PRKCQ: variants seen among roughly 807,000 people sequenced by gnomAD.
The protein encoded by PRKCQ is protein kinase C theta, also known as protein kinase C theta type.
In PRKCQ, 41 loss-of-function variants were observed where a neutral mutation model predicts 91.2. The ratio of observed to expected loss-of-function variants is 0.45; its 90% confidence interval spans 0.35 to 0.58. PRKCQ has a LOEUF of 0.58. PRKCQ is among the 20% of genes least tolerant of loss of function. The probability of loss-of-function intolerance (pLI) is 0.00; values close to 1 mark genes in which losing one functional copy is unlikely to be tolerated. For synonymous variants in PRKCQ, 307 were observed against 316.9 expected, an observed-to-expected ratio of 0.97 and a Z score of 0.33; for missense variants, 673 against 896.5, an observed-to-expected ratio of 0.75 and a Z score of 3.18.
At chr10:6,565,960 T>C (rs112877518) in intron 1 of PRKCQ, among the ~76,000 whole-genome samples, 1 of 152,230 alleles carries the variant, frequency 6.6e-6, no homozygotes, top group African/African-American at 2.4e-5. Flanking sequence ...TTTATTTTTA[T>C]TGAATGACTA....
chr10:6,534,919 G>T (rs4748127), intron 1 of PRKCQ, among the ~76,000 whole-genome samples: 33,950 of 151,514 alleles, frequency 0.22, 3,936 homozygotes, highest in Middle Eastern at 0.35. Flanking sequence ...TTTTTGGAAT[G>T]TGCAATTCAA....
intron 2 of PRKCQ, among the ~76,000 whole-genome samples, chr10:6,514,090 C>T (rs1185279184): frequency 6.6e-6 from 1 of 152,164 alleles, no homozygotes; most frequent in African/African-American, 2.4e-5. Context: ...GCTCTGGTCC[C>T]AGCACTCTTG....
At chr10:6,562,980 T>C (rs919098424) in intron 1 of PRKCQ, among the ~76,000 whole-genome samples, 2 of 152,112 alleles carry the variant, frequency 1.3e-5, no homozygotes, top group Admixed American at 1.3e-4. Context: ...TCTGTAGTGA[T>C]TACTTTTTAG....
chr10:6,434,679 G>A (rs1340101290), intron 16 of PRKCQ, among the ~76,000 whole-genome samples: 1 of 152,196 alleles, frequency 6.6e-6, no homozygotes, highest in Non-Finnish European at 1.5e-5. Flanking sequence ...GGATGTAGTT[G>A]AAGTTTGTTT....
At position 6,428,307 on chromosome 10, in the gene PRKCQ, C is replaced by A; in HGVS notation, c.2021G>T (p.Arg674Leu). ...FDKEFLNEKP[R>L]LSFADRALIN... ...CAGTGCTCTGTCGGCAAATGACAGC[C>A]GGGGCTTCTCGTTTAAGAATTCTTT... The change falls in exon 18 of 18, where the codon CGG becomes CTG. Residue 674 changes from arginine (R) to leucine (L), a missense_variant. Transcript: ENST00000263125. 1.2e-6 allele frequency: 2 copies of A among 1,614,078 alleles called. No individual in the cohort carries two copies. The highest frequency in any genetic ancestry group is 1.7e-6 in the Non-Finnish European group (2 of 1,180,000).
chr10:6,499,131 T>C (rs1162109820), intron 4 of PRKCQ, among the ~76,000 whole-genome samples: 1 of 152,216 alleles, frequency 6.6e-6, no homozygotes, highest in African/African-American at 2.4e-5. Flanking sequence ...TGGTTCCTGA[T>C]GTCCACAGTG....
downstream of PRKCQ, among the ~76,000 whole-genome samples, chr10:6,426,004 G>A (rs920813705): frequency 6.6e-6 from 1 of 152,118 alleles, no homozygotes; most frequent in Non-Finnish European, 1.5e-5. Context: ...AGAGTGAGGA[G>A]AGGACGACTG....
intron 1 of PRKCQ, among the ~76,000 whole-genome samples, chr10:6,532,687 T>C (rs1839436078): frequency 6.6e-6 from 1 of 152,234 alleles, no homozygotes; most frequent in Admixed American, 6.5e-5. Context: ...GAGCAGAAGG[T>C]AGATGGAGTG....
At chr10:6,407,209 G>A in the PRKCQ span, among the ~76,000 whole-genome samples, 5 of 152,076 alleles carry the variant, frequency 3.3e-5, no homozygotes, top group Non-Finnish European at 5.9e-5. The surrounding 1 kb of genome is among the most constrained non-coding windows in gnomAD (Gnocchi z 4.0). Flanking sequence ...ATCCCATGCC[G>A]GCTGAGCTTG....
At chr10:6,437,028 C>T (rs1833730422) in intron 16 of PRKCQ, among the ~76,000 whole-genome samples, 1 of 152,174 alleles carries the variant, frequency 6.6e-6, no homozygotes, top group African/African-American at 2.4e-5. Flanking sequence ...TCCAGAGCCT[C>T]CACCTTGGGA....
At chr10:6,405,237 C>T in the PRKCQ span, among the ~76,000 whole-genome samples, 2 of 152,200 alleles carry the variant, frequency 1.3e-5, no homozygotes, top group Non-Finnish European at 2.9e-5. Flanking sequence ...CCCATCTCAG[C>T]CTCCCAGAGT....
intron 1 of PRKCQ, among the ~76,000 whole-genome samples, chr10:6,579,300 C>G (rs919678510): frequency 3.3e-5 from 5 of 152,160 alleles, no homozygotes; most frequent in African/African-American, 1.2e-4. Flanking sequence ...TCCACCTTCT[C>G]CAGCCTAGTC....
chr10:6,496,908 G>A (rs1837645694), intron 7 of PRKCQ, 127 bp downstream of exon 7: 3 of 848,748 alleles, frequency 3.5e-6, no homozygotes, highest in Non-Finnish European at 5.8e-6. Flanking sequence ...AGAGTTTTGG[G>A]GAGATGGATG....
chr10:6,518,732 A>AAT (rs1838879123), intron 1 of PRKCQ, among the ~76,000 whole-genome samples: 1 of 152,096 alleles, frequency 6.6e-6, no homozygotes, highest in Non-Finnish European at 1.5e-5. Flanking sequence ...GAGGCAGGGG[A>AAT]ATCGCTTTGC....
At chr10:6,486,420 G>A (rs1242115250) in intron 8 of PRKCQ, among the ~76,000 whole-genome samples, 2 of 152,158 alleles carry the variant, frequency 1.3e-5, no homozygotes, top group East Asian at 3.9e-4. Flanking sequence ...CTTTCCAGAA[G>A]ATGCCCACCT....
chr10:6,474,019 T>C (rs1836135027), intron 12 of PRKCQ, among the ~76,000 whole-genome samples: 1 of 152,168 alleles, frequency 6.6e-6, no homozygotes, highest in Middle Eastern at 3.2e-3. Flanking sequence ...CACAAAGAAA[T>C]GTTAGGTGAC....
At chr10:6,520,835 T>G (rs549543699) in intron 1 of PRKCQ, among the ~76,000 whole-genome samples, 1 of 152,216 alleles carries the variant, frequency 6.6e-6, no homozygotes, top group Non-Finnish European at 1.5e-5. Flanking sequence ...TGGGGACTTA[T>G]AGAGCCCCAC....
In PRKCQ at chr10:6,511,109, T is replaced by C. The variant is rs17555072; in HGVS notation, c.204A>G (p.Arg68=). 0.067 allele frequency: 107,457 copies of C among 1,614,138 alleles called. 3,939 individuals carry two copies. The highest frequency in any genetic ancestry group is 0.077 in the Non-Finnish European group (90,755 of 1,180,004). ...STFDAHINKG[R]VMQIIVKGKN... ...TGCCTTTCACAATGATCTGCATGAC[T>C]CTTCCCTTGTTGATATGGGCATCAA... The change falls in exon 3 of 18, where the codon AGA becomes AGG. Residue 68 remains arginine, a synonymous_variant. Coordinates refer to ENST00000263125, the MANE Select transcript of PRKCQ (RefSeq NM_006257.5).
chr10:6,497,152 T>C lies in PRKCQ; in HGVS notation c.575-32A>G. ...AGAAGAAAAAAATCACAGCTTAAGA[T>C]TTTCATAGCCTAAGGAATAACTAAA... On this transcript the variant is annotated intron_variant, in intron 6 of 17. Transcript: ENST00000263125. This position sits in a 1 kb window ranked among gnomAD's most constrained non-coding sequence, Gnocchi z 4.5. 1 of 1,613,990 alleles carries C rather than the reference T, an allele frequency of 6.2e-7. No homozygotes were observed. The highest frequency in any genetic ancestry group is 8.5e-7 in the Non-Finnish European group (1 of 1,179,878).
Sources: allele counts gnomAD v4.1 joint callset (sites outside exome capture counted in the v4.1 genomes callset), GRCh38; gene constraint gnomAD v4.1.1; non-coding constraint Gnocchi (gnomAD v3.1); transcripts MANE v1.5; gene names NCBI Gene and HGNC (gene_info 2026-07-23, HGNC 2026-07-21).